The following DLGAP2 variants were observed in gnomAD, a reference collection of about 807,000 sequenced individuals.
The protein encoded by DLGAP2 is disks large-associated protein 2.
In DLGAP2, 26 loss-of-function variants were observed where a neutral mutation model predicts 100.3. That is an observed-to-expected ratio of 0.26 (90% CI 0.19 to 0.36). The LOEUF is 0.36. Among genes scored for constraint, DLGAP2 ranks in the 10% least tolerant of loss-of-function variants. The pLI, the probability that DLGAP2 is intolerant of heterozygous loss-of-function variation, is 1.00. For synonymous variants in DLGAP2, 886 were observed against 630.1 expected (o/e 1.41, Z -6.08); for missense variants, 1,858 against 1,453.2 (o/e 1.28, Z -4.53).
At chr8:1,674,567 A>AT (rs1427257541) in intron 10 of DLGAP2, among the ~76,000 whole-genome samples, 2 of 152,264 alleles carry the variant, frequency 1.3e-5, no homozygotes, top group Non-Finnish European at 2.9e-5. Flanking sequence ...CATTTTTATG[A>AT]TAAAAACGAG....
At chr8:1,699,317 C>T (rs1295963475) in intron 14 of DLGAP2, among the ~76,000 whole-genome samples, 1 of 151,716 alleles carries the variant, frequency 6.6e-6, no homozygotes, top group Non-Finnish European at 1.5e-5. Context: ...TAAAAATACA[C>T]AAAATTAGCC....
chr8:834,367 A>G (rs1796835426), intron 1 of DLGAP2, among the ~76,000 whole-genome samples: 1 of 152,212 alleles, frequency 6.6e-6, no homozygotes, highest in Non-Finnish European at 1.5e-5. Context: ...TGAGAAGTTT[A>G]AGCCATTATA....
Position 1,472,002 on chromosome 8 carries a change from C to G in DLGAP2, c.107-29364C>G, listed in dbSNP as rs181771159. On this transcript the variant is annotated intron_variant, in intron 3 of 14. Transcript: ENST00000637795. ...ATAAACTTGTATTTAGCGGTGGTCTCTGTGCCAGGCACTACGTTAAGGATA... is the reference window on the plus strand; with the variant it reads ...ATAAACTTGTATTTAGCGGTGGTCTGTGTGCCAGGCACTACGTTAAGGATA... Among the ~76,000 whole-genome samples the G allele has an allele frequency of 1.3e-3, 201 of 152,364 alleles. 1 individual carries two copies. Among genetic ancestry groups the G allele is most frequent in the African/African-American group, 4.4e-3 (183 of 41,580 alleles).
chr8:1,559,480 C>T (rs1029259742), intron 5 of DLGAP2, among the ~76,000 whole-genome samples: 7 of 152,156 alleles, frequency 4.6e-5, no homozygotes, highest in Non-Finnish European at 7.3e-5. Context: ...TGAATTCATG[C>T]TTTGAAATTG....
chr8:1,516,708 T>G (rs1324984712), intron 4 of DLGAP2, among the ~76,000 whole-genome samples: 1 of 151,762 alleles, frequency 6.6e-6, no homozygotes, highest in African/African-American at 2.4e-5. Flanking sequence ...AATGAGTGGG[T>G]GACTGAGTGA....
At position 1,136,523 on chromosome 8, in the gene DLGAP2, G is replaced by A. The variant is rs117788193; in HGVS notation, c.74-122328G>A. ...TCAAAGCTTCCTTCGTGAGGGCCAC[G>A]GCAGACAACGTGGCTAGCACCAAGT... On this transcript the variant is annotated intron_variant, in intron 2 of 14. Transcript: ENST00000637795. 1.8e-3 allele frequency among the ~76,000 whole-genome samples: 269 copies of A among 152,286 alleles called. 4 individuals are homozygous for A. In the East Asian group the frequency reaches 0.041, roughly 23 times the overall value.
intron 4 of DLGAP2, among the ~76,000 whole-genome samples, chr8:1,538,904 T>TG: frequency 6.9e-6 from 1 of 144,116 alleles, no homozygotes; most frequent in Non-Finnish European, 1.5e-5. Flanking sequence ...TTTTTTTTTT[T>TG]TGAGACAGAG....
At position 742,231 on chromosome 8, in the gene DLGAP2, G is replaced by A. The variant is rs79225702; in HGVS notation, c.18+4406G>A. 2.9e-4 allele frequency among the ~76,000 whole-genome samples: 44 copies of A among 152,234 alleles called. No homozygotes were observed. In the South Asian group the frequency reaches 7.5e-3, roughly 26 times the overall value. On this transcript the variant is annotated intron_variant, in intron 1 of 14. Coordinates refer to ENST00000637795, the MANE Select transcript of DLGAP2 (RefSeq NM_001346810.2). Reference sequence around the variant, plus strand: ...GGTACTGTTTCTTATATGGTACATCGTGTGTATCGGCAGGAAAAAAAGAGA... The same window carrying A: ...GGTACTGTTTCTTATATGGTACATCATGTGTATCGGCAGGAAAAAAAGAGA...
chr8:1,548,839 C>G lies in DLGAP2; in HGVS notation c.386C>G (p.Pro129Arg). 1.9e-6 allele frequency: 3 copies of G among 1,579,914 alleles called. No homozygotes were observed. Among genetic ancestry groups the G allele is most frequent in the Admixed American group, 3.4e-5 (2 of 58,518 alleles). ...PYLLSPADSCPGGRHRCSPRS... is the reference protein window; with the variant it reads ...PYLLSPADSCRGGRHRCSPRS... Reference sequence around the variant, plus strand: ...CTGCTGAGCCCCGCCGACAGCTGCCCCGGGGGGCGCCACCGCTGCTCGCCG... The same window carrying G: ...CTGCTGAGCCCCGCCGACAGCTGCCGCGGGGGGCGCCACCGCTGCTCGCCG... The change falls in exon 5 of 15, where the codon CCC becomes CGC. Residue 129 changes from proline to arginine, a missense_variant. Transcript: ENST00000637795.
At chr8:1,252,877 CCT>C (rs1040967321) in intron 2 of DLGAP2, among the ~76,000 whole-genome samples, 1 of 152,208 alleles carries the variant, frequency 6.6e-6, no homozygotes, top group African/African-American at 2.4e-5. Context: ...TGTTTTTCTC[CCT>C]GTGTCTCTTA....
chr8:1,421,680 A>G (rs992749319), intron 3 of DLGAP2, among the ~76,000 whole-genome samples: 1 of 152,238 alleles, frequency 6.6e-6, no homozygotes, highest in Admixed American at 6.5e-5. Context: ...AACAAAATTC[A>G]TAAGGCTAGG....
At chr8:1,164,612 A>G (rs926984229) in intron 2 of DLGAP2, among the ~76,000 whole-genome samples, 2 of 151,526 alleles carry the variant, frequency 1.3e-5, no homozygotes, top group Non-Finnish European at 2.9e-5. Context: ...CCCAAGTCAG[A>G]GGGAAGAGCC....
At chr8:793,043 C>T (rs960468650) in intron 1 of DLGAP2, among the ~76,000 whole-genome samples, 1 of 152,216 alleles carries the variant, frequency 6.6e-6, no homozygotes, top group African/African-American at 2.4e-5. Context: ...TGTTACGCAT[C>T]AGCAGTCATT....
intron 2 of DLGAP2, among the ~76,000 whole-genome samples, chr8:962,478 G>A (rs376195958): frequency 3.3e-5 from 5 of 152,312 alleles, no homozygotes; most frequent in Admixed American, 1.3e-4. Context: ...GCCGTGGGGC[G>A]CTGCTGGGAG....
chr8:1,452,736 A>G (rs1798196979), intron 3 of DLGAP2, among the ~76,000 whole-genome samples: 1 of 152,078 alleles, frequency 6.6e-6, no homozygotes, highest in African/African-American at 2.4e-5. Context: ...AGCCGGGGTC[A>G]GGCTGGGTCA....
At chr8:1,007,637 G>A (rs71528632) in intron 2 of DLGAP2, among the ~76,000 whole-genome samples, 3 of 131,024 alleles carry the variant, frequency 2.3e-5, no homozygotes, top group African/African-American at 5.2e-5. Flanking sequence ...TTTTTTTTTG[G>A]GGGGGGGATC....
intron 2 of DLGAP2, among the ~76,000 whole-genome samples, chr8:1,093,716 C>T (rs543616893): frequency 6.6e-6 from 1 of 152,268 alleles, no homozygotes; most frequent in East Asian, 1.9e-4. Context: ...CAGCCAGAAA[C>T]ACCTTCACAC....
intron 2 of DLGAP2, among the ~76,000 whole-genome samples, chr8:1,208,226 G>A (rs4596679): frequency 0.55 from 83,447 of 152,000 alleles, 25,102 homozygotes; most frequent in African/African-American, 0.81. Context: ...ATCCATCTTG[G>A]GTTGATTCTT....
intron 1 of DLGAP2, among the ~76,000 whole-genome samples, chr8:760,891 G>A (rs1010536122): frequency 6.6e-6 from 1 of 152,164 alleles, no homozygotes; most frequent in Non-Finnish European, 1.5e-5. Context: ...ACCATGCTGC[G>A]GGAGACCCTA....
Sources: allele counts gnomAD v4.1 joint callset (sites outside exome capture counted in the v4.1 genomes callset), GRCh38; gene constraint gnomAD v4.1.1; transcripts MANE v1.5; gene names NCBI Gene and HGNC (gene_info 2026-07-23, HGNC 2026-07-21).